The following SERINC5 variants were observed in gnomAD, a reference collection of about 807,000 sequenced individuals.
SERINC5 encodes the protein chromosome 5 open reading frame 12.
A neutral mutation model predicts 63.1 loss-of-function variants in SERINC5; 41 were observed. The ratio of observed to expected loss-of-function variants is 0.65; its 90% CI spans 0.51 to 0.84. The LOEUF (loss-of-function observed/expected upper bound fraction) is 0.84, where lower values mean the gene tolerates loss of function less well. Ranked by LOEUF, SERINC5 falls within the 40% of genes least tolerant of loss-of-function variation. The probability of loss-of-function intolerance (pLI) is 0.00; values close to 1 mark genes in which losing one functional copy is unlikely to be tolerated. For synonymous variants in SERINC5, 222 were observed against 215.2 expected, an observed-to-expected ratio of 1.03 and a Z score of -0.28; for missense variants, 523 against 573.0, an observed-to-expected ratio of 0.91 and a Z score of 0.89.
At chr5:80,207,423 T>TA (rs1750226822) in intron 1 of SERINC5, among the ~76,000 whole-genome samples, 1 of 152,230 alleles carries the variant, frequency 6.6e-6, no homozygotes, top group African/African-American at 2.4e-5. Context: ...AATCAACATT[T>TA]AAACTTACTA....
intron 1 of SERINC5, among the ~76,000 whole-genome samples, chr5:80,231,499 A>G (rs1751436917): frequency 6.6e-6 from 1 of 152,214 alleles, no homozygotes. Context: ...GTCACAAAAA[A>G]AATGAGTCAG....
chr5:80,250,703 G>T (rs1210176340), intron 1 of SERINC5, among the ~76,000 whole-genome samples: 1 of 152,200 alleles, frequency 6.6e-6, no homozygotes, highest in East Asian at 1.9e-4. Context: ...GTATGTGGGT[G>T]TGTGTTTTAA....
At chr5:80,128,368 C>T (rs934411886) in intron 11 of SERINC5, 5 of 152,236 alleles carry the variant, frequency 3.3e-5, no homozygotes, top group African/African-American at 1.2e-4. Context: ...CAGAAATCCA[C>T]AGTAATCTTT....
chr5:80,204,021 A>C (rs1225295584), intron 1 of SERINC5, among the ~76,000 whole-genome samples: 2 of 152,222 alleles, frequency 1.3e-5, no homozygotes, highest in East Asian at 3.8e-4. Flanking sequence ...AGTTTGGTGA[A>C]CGCATCCATG....
chr5:80,186,592 A>G (rs1054411506), intron 2 of SERINC5, among the ~76,000 whole-genome samples: 1 of 152,182 alleles, frequency 6.6e-6, no homozygotes, highest in Non-Finnish European at 1.5e-5. Context: ...ACATGAAAAC[A>G]AGTAATAAAC....
chr5:80,185,499 T>C (rs1748737334), intron 2 of SERINC5, among the ~76,000 whole-genome samples: 1 of 150,522 alleles, frequency 6.6e-6, no homozygotes, highest in Non-Finnish European at 1.5e-5. Flanking sequence ...ACTATTATGT[T>C]ATATTTCATG....
intron 4 of SERINC5, among the ~76,000 whole-genome samples, 186 bp downstream of exon 4, chr5:80,177,129 T>A (rs1748085769): frequency 6.6e-6 from 1 of 151,948 alleles, no homozygotes; most frequent in Non-Finnish European, 1.5e-5. Context: ...GATGCGGTGG[T>A]GAGAAGAGGG....
At chr5:80,161,667 GTTGA>G (rs1313768048) in intron 7 of SERINC5, among the ~76,000 whole-genome samples, 5 of 152,212 alleles carry the variant, frequency 3.3e-5, no homozygotes, top group African/African-American at 9.6e-5. Context: ...TCTTCACTCT[GTTGA>G]TTATTTCTTT....
intron 1 of SERINC5, among the ~76,000 whole-genome samples, chr5:80,231,401 A>G (rs1751432646): frequency 6.6e-6 from 1 of 152,180 alleles, no homozygotes; most frequent in Non-Finnish European, 1.5e-5. Context: ...GATCTGTATA[A>G]ACAAAATCAT....
At chr5:80,150,274 A>G (rs918946666) in intron 9 of SERINC5, among the ~76,000 whole-genome samples, 1 of 152,176 alleles carries the variant, frequency 6.6e-6, no homozygotes, top group Non-Finnish European at 1.5e-5. Context: ...CGGCAAGGGA[A>G]GAGCGCAGGG....
At chr5:80,228,816 G>T (rs542664571) in intron 1 of SERINC5, among the ~76,000 whole-genome samples, 2 of 151,916 alleles carry the variant, frequency 1.3e-5, no homozygotes, top group African/African-American at 4.8e-5. Context: ...ATAATTCATG[G>T]TTTTTTCTTG....
chr5:80,170,041 G>T (rs141945790), intron 5 of SERINC5, among the ~76,000 whole-genome samples: 6 of 152,114 alleles, frequency 3.9e-5, no homozygotes, highest in Non-Finnish European at 7.3e-5. Flanking sequence ...TGAGGCAAAC[G>T]TGACATTCCC....
At chr5:80,149,130 T>C (rs1384222120) in intron 9 of SERINC5, among the ~76,000 whole-genome samples, 1 of 152,196 alleles carries the variant, frequency 6.6e-6, no homozygotes, top group Non-Finnish European at 1.5e-5. Context: ...CTCGGACATT[T>C]TCCCTTGGAC....
chr5:80,239,945 G>A (rs1448946084), intron 1 of SERINC5, among the ~76,000 whole-genome samples: 1 of 152,082 alleles, frequency 6.6e-6, no homozygotes, highest in East Asian at 1.9e-4. Context: ...AAGTCAGTGG[G>A]GCCAGCTCTC....
downstream of SERINC5, among the ~76,000 whole-genome samples, chr5:80,137,621 C>T (rs1412436469): frequency 1.4e-4 from 17 of 125,262 alleles, no homozygotes; most frequent in Admixed American, 3.9e-4. Context: ...CCAGCTTGGG[C>T]GACCAAGCAA....
chr5:80,237,014 C>T (rs539359338), intron 1 of SERINC5, among the ~76,000 whole-genome samples: 34 of 151,862 alleles, frequency 2.2e-4, no homozygotes, highest in African/African-American at 7.5e-4. Flanking sequence ...TTTGTAGAGA[C>T]GGGGTTTCAC....
chr5:80,116,073 T>A (rs1744312013), intron 11 of SERINC5: 1 of 341,974 alleles, frequency 2.9e-6, no homozygotes, highest in South Asian at 2.3e-5. Context: ...CTGGGGCTGA[T>A]GGATGAGGGG....
At chr5:80,183,969 T>G (rs1335539780) in intron 2 of SERINC5, among the ~76,000 whole-genome samples, 2 of 152,174 alleles carry the variant, frequency 1.3e-5, no homozygotes, top group African/African-American at 4.8e-5. Context: ...CCTCAATTTT[T>G]AGCTGTGTTT....
At chr5:80,194,464 T>C (rs1441975022) in intron 2 of SERINC5, among the ~76,000 whole-genome samples, 2 of 152,254 alleles carry the variant, frequency 1.3e-5, no homozygotes, top group Non-Finnish European at 2.9e-5. Flanking sequence ...TATTTTTCAC[T>C]GATGATGTTT....
Sources: gnomAD v4.1 joint callset for allele counts (sites outside exome capture counted in the v4.1 genomes callset) on GRCh38, gnomAD v4.1.1 for gene constraint, MANE v1.5 for transcripts, NCBI Gene and HGNC (gene_info 2026-07-23, HGNC 2026-07-21) for gene names.